Variants in RMND1 observed in about 807,000 individuals in gnomAD.
The protein encoded by RMND1 is required for meiotic nuclear division protein 1 homolog.
In RMND1, 41 loss-of-function variants were observed where a neutral mutation model predicts 54.0. That is an observed-to-expected ratio of 0.76 (90% CI 0.59 to 0.98). The LOEUF (loss-of-function observed/expected upper bound fraction) is 0.98, where lower values mean the gene tolerates loss of function less well. Among genes scored for constraint, RMND1 ranks in the 50% least tolerant of loss-of-function variants. The pLI is 0.00. For synonymous variants in RMND1, 183 were observed against 181.7 expected (o/e 1.01, Z -0.06); for missense variants, 457 against 532.0 (o/e 0.86, Z 1.39).
intron 10 of RMND1, among the ~76,000 whole-genome samples, chr6:151,409,779 G>T (rs1319081972): frequency 6.6e-6 from 1 of 152,106 alleles, no homozygotes; most frequent in Non-Finnish European, 1.5e-5. Flanking sequence ...GGAGAAGGTG[G>T]GATTAGAAGT....
Position 151,452,015 on chromosome 6 carries a change from C to T in RMND1, c.-15+1G>A, listed in dbSNP as rs1781218652. 6.2e-6 allele frequency: 1 copy of T among 161,400 alleles called. No homozygotes were observed. Among genetic ancestry groups the T allele is most frequent in the South Asian group, 1.4e-4 (1 of 7,268 alleles). The allele number at this position is 161,400 out of a possible 1,614,324, so 10.0% of individuals were successfully genotyped here. A position where few individuals can be genotyped will look rare whatever the true frequency, so the allele number is the denominator to read the frequency against. On this transcript the variant is annotated splice_donor_variant, in intron 1 of 11. Coordinates refer to ENST00000444024, the MANE Select transcript of RMND1 (RefSeq NM_017909.4). LOFTEE classifies it low-confidence loss of function (5UTR_SPLICE). Reference sequence around the variant, plus strand: ...TGCTAAAGAAAAGGCAATACACTAACCTCTCCGCCGGAAGAGAAGAAGGAA... The same window carrying T: ...TGCTAAAGAAAAGGCAATACACTAATCTCTCCGCCGGAAGAGAAGAAGGAA...
intron 3 of RMND1, 152 bp downstream of exon 3, chr6:151,436,294 G>T: frequency 1.3e-6 from 1 of 759,726 alleles, no homozygotes; most frequent in Non-Finnish European, 2.1e-6. Context: ...TCTTAACTTT[G>T]TCATCTTTAT....
At chr6:151,444,897 A>ACTGCCACAGCCTAATAAAGG (rs1780906176) in intron 2 of RMND1, 1 of 156,902 alleles carries the variant, frequency 6.4e-6, no homozygotes, top group African/African-American at 2.4e-5. Flanking sequence ...GCCCCATGCA[A>ACTGCCACAGCCTAATAAAGG]CTGCCACAGC....
chr6:151,439,946 G>A (rs1780726908), intron 2 of RMND1, among the ~76,000 whole-genome samples: 1 of 150,614 alleles, frequency 6.6e-6, no homozygotes, highest in South Asian at 2.1e-4. Flanking sequence ...AGGCATCAGT[G>A]ACCGCACCCG....
At chr6:151,446,758 A>T (rs1401509014) in intron 1 of RMND1, among the ~76,000 whole-genome samples, 1 of 152,050 alleles carries the variant, frequency 6.6e-6, no homozygotes, top group Non-Finnish European at 1.5e-5. Context: ...TACAAAAAAA[A>T]ATTAGCCAAG....
intron 10 of RMND1, among the ~76,000 whole-genome samples, chr6:151,407,615 A>G (rs75668919): frequency 0.022 from 3,283 of 152,252 alleles, 110 homozygotes; most frequent in African/African-American, 0.073. Flanking sequence ...TGTGCAAGCA[A>G]GAGTCCCTAT....
At chr6:151,442,574 G>C (rs1582967787) in intron 2 of RMND1, among the ~76,000 whole-genome samples, 1 of 152,288 alleles carries the variant, frequency 6.6e-6, no homozygotes, top group South Asian at 2.1e-4. Flanking sequence ...TGTCGCCCAG[G>C]CTGGACGGAG....
chr6:151,436,004 C>G lies in RMND1; in HGVS notation c.613+442G>C, dbSNP rs774557059. Among the ~76,000 whole-genome samples the G allele has an allele frequency of 3.4e-4, 51 of 151,426 alleles. 1 individual carries two copies. Among genetic ancestry groups the G allele is most frequent in the Admixed American group, 6.6e-4 (10 of 15,218 alleles). On this transcript the variant is annotated intron_variant, in intron 3 of 11. Coordinates refer to ENST00000444024, the MANE Select transcript of RMND1 (RefSeq NM_017909.4). Reference sequence around the variant, plus strand: ...CCTGTAATCCTAGCTACTCCGGAGGCTGAGGCAGGAAAATCGCTTGAACCT... The same window carrying G: ...CCTGTAATCCTAGCTACTCCGGAGGGTGAGGCAGGAAAATCGCTTGAACCT...
chr6:151,424,040 A>G (rs1193044580), intron 6 of RMND1, among the ~76,000 whole-genome samples: 1 of 151,960 alleles, frequency 6.6e-6, no homozygotes. Flanking sequence ...TAATAGAGAT[A>G]GAGTTTCACC....
rs751595982 is a variant in RMND1 at position 151,436,525 on chromosome 6, C to T, written c.534G>A (p.Thr178=). The change falls in exon 3 of 12, where the codon ACG becomes ACA. Residue 178 remains threonine (T), a synonymous_variant. Coordinates refer to ENST00000444024, the MANE Select transcript of RMND1 (RefSeq NM_017909.4). ...GATTTCCCAGATGATACTCATCTGC[C>T]GTTGCAAATGCTGTGCAGTGCATTA... is the stretch of plus-strand genomic sequence containing the variant. ...EDLMHCTAFA[T]ADEYHLGNLS... is the part of the protein sequence containing the mutation. 5.9e-5 allele frequency: 95 copies of T among 1,613,650 alleles called. 1 individual carries two copies. The Admixed American group carries it at 7.8e-4, about 13-fold the overall frequency.
Position 151,426,150 on chromosome 6 carries a change from T to A in RMND1, c.830+1332A>T, listed in dbSNP as rs1010130788. Among the ~76,000 whole-genome samples, 3 of 152,164 alleles carry A rather than the reference T, an allele frequency of 2.0e-5. No individual in the cohort carries two copies. The South Asian group carries it at 6.2e-4, about 31-fold the overall frequency. On this transcript the variant is annotated intron_variant, in intron 6 of 11. Transcript: ENST00000444024. ...TTTTAGTAGAGATGGGGTTTCGCCATGTTGGCCAAGCTGTCTTGAACTCCT... is the reference window on the plus strand; with the variant it reads ...TTTTAGTAGAGATGGGGTTTCGCCAAGTTGGCCAAGCTGTCTTGAACTCCT...
At chr6:151,407,527 T>C (rs920517548) in intron 10 of RMND1, among the ~76,000 whole-genome samples, 3 of 152,184 alleles carry the variant, frequency 2.0e-5, no homozygotes, top group Non-Finnish European at 2.9e-5. Context: ...ACAACTCTCC[T>C]AAACGTCCCA....
intron 10 of RMND1, among the ~76,000 whole-genome samples, chr6:151,412,344 C>CG (rs1438182037): frequency 4.6e-5 from 7 of 150,960 alleles, no homozygotes; most frequent in Non-Finnish European, 1.0e-4. Context: ...AAGAGATGGG[C>CG]GGGGGTATCA....
rs1219301078 is a variant in RMND1 at position 151,445,288 on chromosome 6, C to A, written c.504+20G>T. On this transcript the variant is annotated intron_variant, in intron 2 of 11. Transcript: ENST00000444024. ...AGCAATGATCACTAAGCACGAGAGC[C>A]ACGGCCACCCCTACTTTACCTCGTT... The A allele has an allele frequency of 1.9e-6, 3 of 1,587,448 alleles. No individual in the cohort carries two copies. In the East Asian group the frequency reaches 6.7e-5, roughly 36 times the overall value.
chr6:151,417,844 T>C (rs1780050416), intron 9 of RMND1, among the ~76,000 whole-genome samples: 1 of 151,254 alleles, frequency 6.6e-6, no homozygotes, highest in Non-Finnish European at 1.5e-5. Flanking sequence ...GAGTCACTCT[T>C]GTCACCCAGG....
chr6:151,417,493 T>C (rs1780039415), intron 9 of RMND1, 94 bp from the exon 10 acceptor site: 1 of 300,722 alleles, frequency 3.3e-6, no homozygotes, highest in Non-Finnish European at 5.0e-6. Context: ...TTATGAAAAC[T>C]TTTTTTTTTT....
In RMND1 at chr6:151,421,322, C is replaced by CTCA. The variant is rs760560618; in HGVS notation, c.1003-2_1003-1insTGA. On this transcript the variant is annotated splice_acceptor_variant, in intron 8 of 11. Coordinates refer to ENST00000444024, the MANE Select transcript of RMND1 (RefSeq NM_017909.4). LOFTEE classifies it high-confidence loss of function. ...TCACTTTCTTCCCAGCTTTTAAAGC[C>CTCA]TAGTTGAGAGGGAATCGGAAAAACC... is the stretch of plus-strand genomic sequence containing the variant. 110 of 1,609,706 alleles carry CTCA rather than the reference C, an allele frequency of 6.8e-5. No individual in the cohort carries two copies. The highest frequency in any genetic ancestry group is 2.0e-4 in the Admixed American group (12 of 59,334).
intron 3 of RMND1, among the ~76,000 whole-genome samples, chr6:151,435,055 G>T (rs1455512363): frequency 6.6e-6 from 1 of 152,108 alleles, no homozygotes; most frequent in African/African-American, 2.4e-5. Context: ...CACCATGTTG[G>T]ACAGGCTGGT....
intron 10 of RMND1, 181 bp downstream of exon 10, chr6:151,417,098 G>T: frequency 1.8e-6 from 1 of 557,812 alleles, no homozygotes; most frequent in Non-Finnish European, 3.1e-6. Context: ...AGTCTGTAGA[G>T]CTAATATCAG....
Sources: gnomAD v4.1 joint callset for allele counts (sites outside exome capture counted in the v4.1 genomes callset) on GRCh38, gnomAD v4.1.1 for gene constraint, MANE v1.5 for transcripts, NCBI Gene and HGNC (gene_info 2026-07-23, HGNC 2026-07-21) for gene names.